The following XRN1 variants were observed in gnomAD, a reference collection of about 807,000 sequenced individuals.
XRN1 encodes the protein strand-exchange protein 1 homolog.
Under a neutral mutation model 222.3 loss-of-function variants are expected in XRN1, and 67 were observed. That is an observed-to-expected ratio of 0.30 (90% confidence interval 0.25 to 0.37). The LOEUF is 0.37. Among genes scored for constraint, XRN1 ranks in the 10% least tolerant of loss-of-function variants. The probability of loss-of-function intolerance (pLI) is 1.00; values close to 1 mark genes in which losing one functional copy is unlikely to be tolerated. For synonymous variants in XRN1, 643 were observed against 652.4 expected, an observed-to-expected ratio of 0.99 and a Z score of 0.22; for missense variants, 1,707 against 2,000.2, an observed-to-expected ratio of 0.85 and a Z score of 2.80.
intron 19 of XRN1, among the ~76,000 whole-genome samples, chr3:142,398,518 C>G (rs2068014586): frequency 6.6e-6 from 1 of 151,886 alleles, no homozygotes; most frequent in Non-Finnish European, 1.5e-5. Context: ...AGGTGCACAC[C>G]ACCATGCCTA....
At chr3:142,404,880 T>C (rs750209868) in intron 16 of XRN1, 27 bp downstream of exon 16, 1 of 1,612,696 alleles carries the variant, frequency 6.2e-7, no homozygotes, top group Non-Finnish European at 8.5e-7. Context: ...GCTCTTTTGT[T>C]GTTGAAAAAT....
intron 1 of XRN1, among the ~76,000 whole-genome samples, chr3:142,446,438 T>C (rs1424401913): frequency 1.3e-5 from 2 of 152,228 alleles, no homozygotes; most frequent in Non-Finnish European, 2.9e-5. Context: ...CTATCCTTAG[T>C]GTCCATGTCA....
At chr3:142,388,173 C>T (rs1221170275) in intron 20 of XRN1, among the ~76,000 whole-genome samples, 4 of 152,190 alleles carry the variant, frequency 2.6e-5, no homozygotes, top group Non-Finnish European at 4.4e-5. Context: ...CCTCCTCTAA[C>T]ACCTCCAAGA....
intron 32 of XRN1, among the ~76,000 whole-genome samples, chr3:142,350,841 A>G (rs924880017): frequency 6.6e-6 from 1 of 152,204 alleles, no homozygotes; most frequent in African/African-American, 2.4e-5. Flanking sequence ...AAATGACATT[A>G]GGTAACGTAA....
chr3:142,322,986 G>C (rs754387547), intron 37 of XRN1, among the ~76,000 whole-genome samples: 1 of 152,146 alleles, frequency 6.6e-6, no homozygotes, highest in Non-Finnish European at 1.5e-5. Flanking sequence ...CTGGGTGACA[G>C]AGCGAGACTC....
intron 1 of XRN1, among the ~76,000 whole-genome samples, chr3:142,435,777 A>G (rs1372726670): frequency 2.0e-5 from 3 of 148,274 alleles, no homozygotes; most frequent in East Asian, 2.0e-4. Context: ...AAAAAAAAAA[A>G]AAAAGGCCAG....
intron 34 of XRN1, among the ~76,000 whole-genome samples, chr3:142,333,607 T>A (rs1166876152): frequency 2.6e-5 from 4 of 152,182 alleles, no homozygotes; most frequent in Admixed American, 6.5e-5. Flanking sequence ...ATGTTTGTAT[T>A]CCCCCAAAAT....
In XRN1 at chr3:142,310,833, T is replaced by C. The variant is rs907514798; in HGVS notation, c.*678A>G. ...AAATTGTATTTACTCAAATTTAGAA[T>C]GCTATTTATAGTTCTAAGCAGTTAG... On this transcript the variant is annotated 3_prime_UTR_variant, in exon 41 of 41. Coordinates refer to ENST00000392981, the MANE Select transcript of XRN1 (RefSeq NM_001282857.2). 1 of 152,654 alleles carries C rather than the reference T, an allele frequency of 6.6e-6. No individual in the cohort carries two copies. Among genetic ancestry groups the C allele is most frequent in the Admixed American group, 6.5e-5 (1 of 15,274 alleles). 9.5% of individuals were successfully genotyped at this position (152,654 alleles called of 1,614,324 possible).
rs774302923 is a variant in XRN1, at chr3:142,332,962, C to T, written c.4062+5G>A. The T allele has an allele frequency of 2.5e-6, 4 of 1,612,212 alleles. No individual in the cohort carries two copies. The highest frequency in any genetic ancestry group is 1.3e-5 in the African/African-American group (1 of 74,930). On this transcript the variant is annotated splice_donor_5th_base_variant and intron_variant, in intron 35 of 40. Coordinates refer to ENST00000392981, the MANE Select transcript of XRN1 (RefSeq NM_001282857.2). ...ACAGTAAGAAAGTTCCTACAAAATA[C>T]GAACCATGGCAAATGACTGTGGTGA...
Position 142,384,680 on chromosome 3 carries a change from A to T in XRN1, c.2345T>A (p.Leu782Gln). Reference sequence around the variant, plus strand: ...ATTTATTATTATTCCTTTTCTTCTCAGGTAGCTAAAATAAAGAATAAACAT... The same window carrying T: ...ATTTATTATTATTCCTTTTCTTCTCTGGTAGCTAAAATAAAGAATAAACAT... Reference protein sequence around the residue: ...KEVQGISEHYLRRKGIIINET... With the variant: ...KEVQGISEHYQRRKGIIINET... The change falls in exon 21 of 41, where the codon CTG becomes CAG. Residue 782 changes from leucine (L) to glutamine (Q), a missense_variant. By Grantham distance (113) the Leu-to-Gln change is moderately radical. This residue lies in a region of XRN1 where 1,234 missense variants were observed against 1,518.2 expected (regional missense o/e 0.81). Transcript: ENST00000392981. The T allele has an allele frequency of 6.3e-7, 1 of 1,585,012 alleles. No individual in the cohort carries two copies.
chr3:142,364,964 G>T, intron 29 of XRN1, 83 bp downstream of exon 29: 1 of 1,385,866 alleles, frequency 7.2e-7, no homozygotes. Context: ...TCACTTTCTG[G>T]TTAGATATAA....
Position 142,418,809 on chromosome 3 carries a change from A to G in XRN1, c.1240+6T>C. 6.2e-7 allele frequency: 1 copy of G among 1,613,652 alleles called. No individual in the cohort carries two copies. The highest frequency in any genetic ancestry group is 8.5e-7 in the Non-Finnish European group (1 of 1,179,628). ...TAACATATCAAAACACATACTTCAT[A>G]CTTACCCTTAGAAGTTATCATTTCG... is the stretch of plus-strand genomic sequence containing the variant. On this transcript the variant is annotated splice_donor_region_variant and intron_variant, in intron 11 of 40. Coordinates refer to ENST00000392981, the MANE Select transcript of XRN1 (RefSeq NM_001282857.2).
chr3:142,355,110 G>A lies in XRN1; in HGVS notation c.3768+291C>T, dbSNP rs907802695. Among the ~76,000 whole-genome samples the A allele has an allele frequency of 5.3e-5, 8 of 152,044 alleles. No homozygotes were observed. The South Asian group carries it at 8.3e-4, about 16-fold the overall frequency. ...AGATAGGGAGGAGGGGGGAAGGGCT[G>A]AAAAACCACCTATTGGGTACTATGC... is the stretch of plus-strand genomic sequence containing the variant. On this transcript the variant is annotated intron_variant, in intron 32 of 40. Transcript: ENST00000392981.
chr3:142,405,165 A>ATGGTTATTCTGTAT, intron 15 of XRN1, 89 bp from the exon 16 acceptor site: 1 of 1,319,054 alleles, frequency 7.6e-7, no homozygotes, highest in Non-Finnish European at 1.1e-6. Flanking sequence ...CCATATACAG[A>ATGGTTATTCTGTAT]ATAACCATTT....
chr3:142,414,693 C>T (rs901911529), intron 13 of XRN1, among the ~76,000 whole-genome samples: 2 of 152,088 alleles, frequency 1.3e-5, no homozygotes, highest in African/African-American at 2.4e-5. Context: ...GACGGGGTTT[C>T]ACCTTGTTAG....
chr3:142,320,268 C>T (rs1180790871), intron 37 of XRN1, among the ~76,000 whole-genome samples: 3 of 152,106 alleles, frequency 2.0e-5, no homozygotes, highest in Non-Finnish European at 2.9e-5. Flanking sequence ...AGCCATTCCG[C>T]CTGGTATGAG....
intron 2 of XRN1, among the ~76,000 whole-genome samples, chr3:142,427,739 CTGGATT>C (rs2069320230): frequency 1.3e-5 from 2 of 152,158 alleles, no homozygotes; most frequent in Non-Finnish European, 2.9e-5. Flanking sequence ...TCAGGCAAAC[CTGGATT>C]TGAATATGGG....
rs1339236018 is a variant in XRN1, at chr3:142,311,265, GTTT to G, written c.*243_*245del. ...TTATTTTAATGCAAGGTTTAATTTA[GTTT>G]TTTATTACAGATTTATTGAGGTATA... On this transcript the variant is annotated 3_prime_UTR_variant, in exon 41 of 41. Coordinates refer to ENST00000392981, the MANE Select transcript of XRN1 (RefSeq NM_001282857.2). 3 of 297,834 alleles carry G rather than the reference GTTT, an allele frequency of 1.0e-5. No homozygotes were observed. Among genetic ancestry groups the G allele is most frequent in the African/African-American group, 4.6e-5 (2 of 43,426 alleles). The allele number at this position is 297,834 out of a possible 1,614,324, so 18.4% of individuals were successfully genotyped here. A position where few individuals can be genotyped will look rare whatever the true frequency, so the allele number is the denominator to read the frequency against.
rs1482169209 is a variant in XRN1 at position 142,329,510 on chromosome 3, G to A, written c.4328C>T (p.Pro1443Leu). Residue 1443 changes from proline to leucine, a missense_variant, in exon 37 of 41, where the codon CCA becomes CTA. By Grantham distance (98) the Pro-to-Leu change is moderately conservative (BLOSUM62 -3). Coordinates refer to ENST00000392981, the MANE Select transcript of XRN1 (RefSeq NM_001282857.2). ...APSQIPPVST[P>L]VTELSRICSL... ...ACAAATTCGAGAAAGTTCAGTTACT[G>A]GTGTGGATACAGGAGGGATCTGGCT... The A allele has an allele frequency of 1.3e-6, 2 of 1,597,272 alleles. No homozygotes were observed. The highest frequency in any genetic ancestry group is 1.7e-6 in the Non-Finnish European group (2 of 1,174,408).
Sources: allele counts gnomAD v4.1 joint callset (sites outside exome capture counted in the v4.1 genomes callset), GRCh38; gene constraint gnomAD v4.1.1; regional missense constraint gnomAD v4.1.1; transcripts MANE v1.5; gene names NCBI Gene and HGNC (gene_info 2026-07-23, HGNC 2026-07-21).